Variants in RALGPS2 observed in about 807,000 individuals in gnomAD.
RALGPS2 encodes the protein Ral GEF with PH domain and SH3 binding motif 2.
In RALGPS2, 43 loss-of-function variants were observed where a neutral mutation model predicts 86.8. The ratio of observed to expected loss-of-function variants is 0.50; its 90% CI spans 0.39 to 0.64. RALGPS2 has a LOEUF of 0.64. RALGPS2 is among the 30% of genes least tolerant of loss of function. The pLI, the probability that RALGPS2 is intolerant of heterozygous loss-of-function variation, is 0.00. For synonymous variants in RALGPS2, 243 were observed against 231.3 expected (o/e 1.05, Z -0.46); for missense variants, 536 against 694.6 (o/e 0.77, Z 2.57).
Position 178,784,493 on chromosome 1 carries a change from G to A in RALGPS2, c.133G>A (p.Val45Ile). ...KKSFDAVVFDVLKVTPEEYAG... is the reference protein window; with the variant it reads ...KKSFDAVVFDILKVTPEEYAG... ...AAGCTTTGATGCTGTGGTATTCGAT[G>A]TTCTTAAGGTTACACCAGAAGAATA... The change falls in exon 3 of 20, where the codon GTT becomes ATT. Residue 45 changes from valine to isoleucine, a missense_variant. Transcript: ENST00000367635. The A allele has an allele frequency of 6.2e-7, 1 of 1,601,890 alleles. No individual in the cohort carries two copies.
At chr1:178,785,470 T>G in intron 3 of RALGPS2, 87 bp from the exon 4 acceptor site, 1 of 1,361,644 alleles carries the variant, frequency 7.3e-7, no homozygotes, top group Admixed American at 2.6e-5. Context: ...TGGTAATATT[T>G]TAGTATAGAA....
rs939908625 is a variant in RALGPS2, at chr1:178,821,519, C to T, written c.388-93C>T. 3.4e-6 allele frequency: 3 copies of T among 887,402 alleles called. No homozygotes were observed. In the East Asian group the frequency reaches 7.3e-5, roughly 22 times the overall value. The allele number at this position is 887,402 out of a possible 1,614,324, so 55.0% of individuals were successfully genotyped here. Reference sequence around the variant, plus strand: ...GAAGGTAATATATGCTGGAACACTACCAGTTGCCAAGATTGTACTTGTTAG... The same window carrying T: ...GAAGGTAATATATGCTGGAACACTATCAGTTGCCAAGATTGTACTTGTTAG... On this transcript the variant is annotated intron_variant, in intron 6 of 19. Coordinates refer to ENST00000367635, the MANE Select transcript of RALGPS2 (RefSeq NM_152663.5).
chr1:178,812,001 G>A (rs1246067825), intron 6 of RALGPS2, among the ~76,000 whole-genome samples: 3 of 152,116 alleles, frequency 2.0e-5, no homozygotes, highest in Non-Finnish European at 4.4e-5. Flanking sequence ...GGTTGGAGGG[G>A]CAGAAAGGGG....
At position 178,834,934 on chromosome 1, in the gene RALGPS2, C is replaced by T. The variant is rs536303427; in HGVS notation, c.607+1384C>T. Among the ~76,000 whole-genome samples, 8 of 151,976 alleles carry T rather than the reference C, an allele frequency of 5.3e-5. No individual in the cohort carries two copies. The East Asian group carries it at 9.7e-4, about 18-fold the overall frequency. ...CTGGGATTACAGGCAAGCACCACCA[C>T]GCCCAGCTAATTTTTGTATTTTTAG... On this transcript the variant is annotated intron_variant, in intron 8 of 19. Transcript: ENST00000367635.
chr1:178,876,667 G>A (rs1280634406), intron 8 of RALGPS2, among the ~76,000 whole-genome samples: 1 of 152,230 alleles, frequency 6.6e-6, no homozygotes, highest in Middle Eastern at 3.4e-3. Context: ...GAAGTAATGG[G>A]GTAAAAGTAG....
chr1:178,819,183 A>G (rs1655380414), intron 6 of RALGPS2, among the ~76,000 whole-genome samples: 1 of 151,646 alleles, frequency 6.6e-6, no homozygotes, highest in Non-Finnish European at 1.5e-5. Flanking sequence ...TATAGAGACA[A>G]GGTTTTGCCA....
intron 1 of RALGPS2, among the ~76,000 whole-genome samples, chr1:178,746,282 A>G (rs562908685): frequency 6.6e-6 from 1 of 152,332 alleles, no homozygotes; most frequent in East Asian, 1.9e-4. Flanking sequence ...TTTGATAGAT[A>G]CCTCACCACA....
At chr1:178,899,598 G>A (rs1205760972) in intron 17 of RALGPS2, among the ~76,000 whole-genome samples, 1 of 151,012 alleles carries the variant, frequency 6.6e-6, no homozygotes, top group Non-Finnish European at 1.5e-5. Context: ...TTTAAACATA[G>A]CACCACCTGT....
Position 178,916,697 on chromosome 1 carries a change from G to A in RALGPS2, c.*338G>A, listed in dbSNP as rs1032187522. On this transcript the variant is annotated 3_prime_UTR_variant, in exon 20 of 20. Coordinates refer to ENST00000367635, the MANE Select transcript of RALGPS2 (RefSeq NM_152663.5). ...GGCGGTGCTGTGCTTGGAATAGATC[G>A]TAGCTAATTTGCATTTCTTTTAACT... The A allele has an allele frequency of 1.9e-5, 5 of 265,444 alleles. No homozygotes were observed. Among genetic ancestry groups the A allele is most frequent in the African/African-American group, 8.8e-5 (4 of 45,550 alleles). The allele number at this position is 265,444 out of a possible 1,614,324, so 16.4% of individuals were successfully genotyped here.
At chr1:178,763,093 T>C (rs186411145) in intron 1 of RALGPS2, among the ~76,000 whole-genome samples, 1 of 152,368 alleles carries the variant, frequency 6.6e-6, no homozygotes, top group Admixed American at 6.5e-5. Context: ...GCACCATTTA[T>C]TGAATAGGGA....
intron 8 of RALGPS2, among the ~76,000 whole-genome samples, chr1:178,856,285 T>C (rs1275550262): frequency 1.4e-5 from 2 of 143,910 alleles, no homozygotes; most frequent in Non-Finnish European, 3.0e-5. Context: ...TGGAGTGCAG[T>C]GGTGTAGTCA....
chr1:178,803,280 C>T (rs539930236), intron 4 of RALGPS2, among the ~76,000 whole-genome samples: 3 of 152,086 alleles, frequency 2.0e-5, no homozygotes, highest in Admixed American at 6.5e-5. Context: ...ATGAAATCAG[C>T]CTTTTGTGTA....
chr1:178,899,483 T>C (rs1305637786), intron 17 of RALGPS2, among the ~76,000 whole-genome samples: 1 of 151,702 alleles, frequency 6.6e-6, no homozygotes, highest in Admixed American at 6.6e-5. Flanking sequence ...CAGAACTAAA[T>C]GGAAGAAAAA....
chr1:178,783,949 C>A (rs1653519163), intron 2 of RALGPS2, among the ~76,000 whole-genome samples: 1 of 152,070 alleles, frequency 6.6e-6, no homozygotes, highest in African/African-American at 2.4e-5. Context: ...AAACAGATCA[C>A]ATAACTAAGA....
At chr1:178,771,770 T>G (rs1408454565) in intron 1 of RALGPS2, among the ~76,000 whole-genome samples, 1 of 152,198 alleles carries the variant, frequency 6.6e-6, no homozygotes, top group East Asian at 1.9e-4. Context: ...GTTATAATAA[T>G]GATTACCAAA....
intron 1 of RALGPS2, among the ~76,000 whole-genome samples, chr1:178,726,642 A>G (rs1650026958): frequency 6.6e-6 from 1 of 151,990 alleles, no homozygotes; most frequent in South Asian, 2.1e-4. Flanking sequence ...TTTATCGTTT[A>G]TGCTCCCTGG....
At chr1:178,744,690 G>C (rs1651212821) in intron 1 of RALGPS2, among the ~76,000 whole-genome samples, 1 of 151,894 alleles carries the variant, frequency 6.6e-6, no homozygotes, top group African/African-American at 2.4e-5. Context: ...GGTGGCAGCT[G>C]CCTGTAATCC....
At position 178,910,787 on chromosome 1, in the gene RALGPS2, G is replaced by A. The variant is rs566575919; in HGVS notation, c.1722+3920G>A. Among the ~76,000 whole-genome samples the A allele has an allele frequency of 5.3e-5, 8 of 152,248 alleles. No individual in the cohort carries two copies. In the South Asian group the frequency reaches 6.2e-4, roughly 12 times the overall value. On this transcript the variant is annotated intron_variant, in intron 19 of 19. Coordinates refer to ENST00000367635, the MANE Select transcript of RALGPS2 (RefSeq NM_152663.5). ...ATGTTGGCTTCATGGAATGAGTTAG[G>A]GAGGAGTCTTTTCTTTCTCGATTTT...
intron 1 of RALGPS2, among the ~76,000 whole-genome samples, chr1:178,742,428 G>A (rs528918716): frequency 6.6e-6 from 1 of 152,120 alleles, no homozygotes; most frequent in African/African-American, 2.4e-5. Context: ...AAACATTTAT[G>A]CCCCTAATAA....
Sources: gnomAD v4.1 joint callset for allele counts (sites outside exome capture counted in the v4.1 genomes callset) on GRCh38, gnomAD v4.1.1 for gene constraint, MANE v1.5 for transcripts, NCBI Gene and HGNC (gene_info 2026-07-23, HGNC 2026-07-21) for gene names.